Variants in FGGY observed in about 807,000 individuals in gnomAD.
FGGY encodes the protein FGGY carbohydrate kinase domain containing.
FGGY carries 72 observed loss-of-function variants against 71.3 expected under a neutral mutation model. The ratio of observed to expected loss-of-function variants is 1.01; its 90% CI spans 0.84 to 1.23. FGGY has a LOEUF of 1.23. Among genes scored for constraint, FGGY ranks in the 50% most tolerant of loss-of-function variants. The pLI, the probability that FGGY is intolerant of heterozygous loss-of-function variation, is 0.00. For synonymous variants in FGGY, 251 were observed against 250.3 expected, an observed-to-expected ratio of 1.00 and a Z score of -0.02; for missense variants, 668 against 682.3, an observed-to-expected ratio of 0.98 and a Z score of 0.23.
intron 7 of FGGY, among the ~76,000 whole-genome samples, chr1:59,541,113 A>G (rs7527689): frequency 0.17 from 25,459 of 152,070 alleles, 2,535 homozygotes; most frequent in South Asian, 0.34. Context: ...CAAACAATGT[A>G]TTAGATAGAA....
At chr1:59,452,497 A>G (rs2072994865) in intron 5 of FGGY, among the ~76,000 whole-genome samples, 1 of 152,032 alleles carries the variant, frequency 6.6e-6, no homozygotes, top group Non-Finnish European at 1.5e-5. Context: ...AAAAGATTCT[A>G]CCATATTTTT....
At chr1:59,592,053 T>C (rs534428580) in intron 8 of FGGY, among the ~76,000 whole-genome samples, 1 of 152,290 alleles carries the variant, frequency 6.6e-6, no homozygotes, top group South Asian at 2.1e-4. Context: ...GACAAAGGGC[T>C]AATATTCAGA....
At chr1:59,460,936 G>A (rs1361665432) in intron 6 of FGGY, among the ~76,000 whole-genome samples, 1 of 152,158 alleles carries the variant, frequency 6.6e-6, no homozygotes, top group East Asian at 1.9e-4. Flanking sequence ...AAAGACCAAA[G>A]GTAGATAAAA....
intron 10 of FGGY, among the ~76,000 whole-genome samples, chr1:59,631,201 T>C (rs1018911255): frequency 2.0e-5 from 3 of 152,304 alleles, no homozygotes; most frequent in African/African-American, 4.8e-5. Context: ...TCCTAACCAC[T>C]TTTCTTGAGT....
chr1:59,341,831 A>G (rs1168981540), intron 3 of FGGY, among the ~76,000 whole-genome samples: 2 of 152,200 alleles, frequency 1.3e-5, no homozygotes, highest in Non-Finnish European at 2.9e-5. Context: ...GCTTTATTTA[A>G]GTAAAGGTCA....
chr1:59,727,354 C>T (rs972133515), intron 14 of FGGY, among the ~76,000 whole-genome samples: 4 of 152,064 alleles, frequency 2.6e-5, no homozygotes, highest in Admixed American at 1.3e-4. Flanking sequence ...AATGAACATG[C>T]GAGTGCATGT....
chr1:59,476,067 G>A (rs562389197), intron 6 of FGGY, among the ~76,000 whole-genome samples: 4 of 152,280 alleles, frequency 2.6e-5, no homozygotes, highest in South Asian at 2.1e-4. Context: ...CATTTCCAGT[G>A]TATATAGCTT....
chr1:59,703,221 T>C (rs2097725054), intron 14 of FGGY, among the ~76,000 whole-genome samples: 1 of 152,170 alleles, frequency 6.6e-6, no homozygotes, highest in Non-Finnish European at 1.5e-5. Flanking sequence ...TTCTGCCTTG[T>C]TCTCCAACAA....
At chr1:59,752,920 T>C (rs187528319) in intron 14 of FGGY, among the ~76,000 whole-genome samples, 1 of 152,292 alleles carries the variant, frequency 6.6e-6, no homozygotes, top group East Asian at 1.9e-4. Flanking sequence ...ATGTGAACTT[T>C]CATGGTTTAT....
At chr1:59,307,313 CAAA>C (rs398049311) in intron 1 of FGGY, among the ~76,000 whole-genome samples, 293 of 67,330 alleles carry the variant, frequency 4.4e-3, no homozygotes, top group African/African-American at 0.015. Context: ...GACCCTGTCT[CAAA>C]AAAAAAAAAA....
At chr1:59,635,018 C>T (rs1182784896) in intron 10 of FGGY, among the ~76,000 whole-genome samples, 2 of 152,078 alleles carry the variant, frequency 1.3e-5, no homozygotes, top group African/African-American at 2.4e-5. Flanking sequence ...AGAGGGTGAG[C>T]GATCCACTTG....
chr1:59,409,367 A>G (rs1348117397), intron 5 of FGGY, among the ~76,000 whole-genome samples: 2 of 152,170 alleles, frequency 1.3e-5, no homozygotes, highest in African/African-American at 2.4e-5. Flanking sequence ...TGGTTTAGAC[A>G]GGAAAAGACT....
At chr1:59,725,183 C>T (rs1398953965) in intron 14 of FGGY, among the ~76,000 whole-genome samples, 1 of 152,178 alleles carries the variant, frequency 6.6e-6, no homozygotes, top group East Asian at 1.9e-4. Flanking sequence ...TGTGGACATA[C>T]AATATTTCAA....
At chr1:59,759,230 G>A (rs1170665323) in intron 15 of FGGY, among the ~76,000 whole-genome samples, 4 of 152,164 alleles carry the variant, frequency 2.6e-5, no homozygotes, top group Non-Finnish European at 5.9e-5. Context: ...AAATGTTCAT[G>A]GAAAAGCAAT....
intron 14 of FGGY, among the ~76,000 whole-genome samples, chr1:59,687,875 T>C (rs957461378): frequency 9.9e-5 from 15 of 152,184 alleles, no homozygotes; most frequent in Non-Finnish European, 1.5e-4. Flanking sequence ...GGACTCTGAC[T>C]GATATCATTG....
chr1:59,427,068 C>T (rs2066506462), intron 5 of FGGY, among the ~76,000 whole-genome samples: 1 of 152,214 alleles, frequency 6.6e-6, no homozygotes, highest in Non-Finnish European at 1.5e-5. Context: ...TCACCCACCT[C>T]TTGCTATCAC....
At chr1:59,636,881 C>T (rs1003525993) in intron 10 of FGGY, among the ~76,000 whole-genome samples, 7 of 152,164 alleles carry the variant, frequency 4.6e-5, no homozygotes, top group Non-Finnish European at 1.0e-4. Flanking sequence ...TAGATATTAA[C>T]CTCCTTTGGA....
intron 2 of FGGY, among the ~76,000 whole-genome samples, chr1:59,332,575 C>T (rs191331900): frequency 7.2e-4 from 109 of 152,210 alleles, no homozygotes; most frequent in African/African-American, 2.6e-3. Flanking sequence ...TAGTGGCTAC[C>T]TAGCTAGATC....
At chr1:59,408,386 A>G (rs1204754398) in intron 5 of FGGY, among the ~76,000 whole-genome samples, 4 of 152,184 alleles carry the variant, frequency 2.6e-5, no homozygotes, top group Non-Finnish European at 5.9e-5. Context: ...TTATTAAATA[A>G]AACTGAAATG....
Sources: gnomAD v4.1 joint callset for allele counts (sites outside exome capture counted in the v4.1 genomes callset) on GRCh38, gnomAD v4.1.1 for gene constraint, MANE v1.5 for transcripts, NCBI Gene and HGNC (gene_info 2026-07-23, HGNC 2026-07-21) for gene names.